The following SPACA1 variants were observed in gnomAD, a reference collection of about 807,000 sequenced individuals.
SPACA1 encodes the protein sperm acrosome associated 1, also known as sperm acrosome membrane-associated protein 1.
A neutral mutation model predicts 32.6 loss-of-function variants in SPACA1; 17 were observed. The observed-to-expected ratio is 0.52, with a 90% CI of 0.36 to 0.78. The LOEUF is 0.78. Ranked by LOEUF, SPACA1 falls within the 30% of genes least tolerant of loss-of-function variation. SPACA1 has a pLI of 0.01. For missense variants in SPACA1, 363 were observed against 373.4 expected (o/e 0.97, Z 0.23); for synonymous variants, 140 against 138.1 (o/e 1.01, Z -0.10).
At position 88,066,210 on chromosome 6, in the gene SPACA1, A is replaced by G. The variant is rs1163156274; in HGVS notation, c.760A>G (p.Lys254Glu). 2.5e-6 allele frequency: 4 copies of G among 1,600,878 alleles called. No individual in the cohort carries two copies. The highest frequency in any genetic ancestry group is 3.4e-6 in the Non-Finnish European group (4 of 1,172,454). The stretch of plus-strand genomic sequence containing the variant: ...AGCAGTCAAGGCTTTCTGGGGGGCA[A>G]AAGCCTCTACACCTGAGGTACAATC... ...WAAVKAFWGA[K>E]ASTPEVQSEQ... The change falls in exon 7 of 7, where the codon AAA becomes GAA. Residue 254 changes from lysine to glutamate, a missense_variant. Physicochemically the swap from Lys to Glu is moderately conservative, Grantham distance 56 (BLOSUM62 1). Coordinates refer to ENST00000237201, the MANE Select transcript of SPACA1 (RefSeq NM_030960.3).
chr6:88,058,664 A>T lies in SPACA1; in HGVS notation c.368-52A>T. The T allele has an allele frequency of 2.3e-6, 3 of 1,322,696 alleles. No homozygotes were observed. The South Asian group carries it at 3.7e-5, about 17-fold the overall frequency. The allele number at this position is 1,322,696 out of a possible 1,614,324, so 81.9% of individuals were successfully genotyped here. On this transcript the variant is annotated intron_variant, in intron 3 of 6. Transcript: ENST00000237201. ...AGGAAAAAAAAAAGTAATTTCGTGT[A>T]TAAAGCAATTTATAATGCCCAATGG...
At chr6:88,059,199 T>C (rs943198410) in intron 4 of SPACA1, among the ~76,000 whole-genome samples, 4 of 152,164 alleles carry the variant, frequency 2.6e-5, no homozygotes, top group African/African-American at 9.7e-5. Flanking sequence ...ATATAACAAT[T>C]CTCTGAGGTA....
chr6:88,059,687 C>G, intron 5 of SPACA1, 99 bp downstream of exon 5: 1 of 1,200,364 alleles, frequency 8.3e-7, no homozygotes, highest in Non-Finnish European at 1.1e-6. Flanking sequence ...CTAGCCCTCC[C>G]CCCAGAGTTT....
At position 88,048,070 on chromosome 6, in the gene SPACA1, C is replaced by T; in HGVS notation, c.165C>T (p.Asp55=). ...GEGEEETENN[D]SETAENYAPP... Reference sequence around the variant, plus strand: ...GCGAGGAGGAGACCGAAAACAACGACAGCGAGACCGCGGAGAACTACGCTC... The same window carrying T: ...GCGAGGAGGAGACCGAAAACAACGATAGCGAGACCGCGGAGAACTACGCTC... Residue 55 remains aspartate, a synonymous_variant, in exon 1 of 7, where the codon GAC becomes GAT. Coordinates refer to ENST00000237201, the MANE Select transcript of SPACA1 (RefSeq NM_030960.3). 1.2e-6 allele frequency: 2 copies of T among 1,603,272 alleles called. No individual in the cohort carries two copies. The highest frequency in any genetic ancestry group is 1.1e-5 in the South Asian group (1 of 88,294).
chr6:88,066,432 C>G lies in SPACA1; in HGVS notation c.*97C>G. The G allele has an allele frequency of 1.7e-6, 2 of 1,175,172 alleles. No individual in the cohort carries two copies. The highest frequency in any genetic ancestry group is 2.3e-6 in the Non-Finnish European group (2 of 871,852). The allele number at this position is 1,175,172 out of a possible 1,614,324, so 72.8% of individuals were successfully genotyped here. A position where few individuals can be genotyped will look rare whatever the true frequency, so the allele number is the denominator to read the frequency against. On this transcript the variant is annotated 3_prime_UTR_variant, in exon 7 of 7. Coordinates refer to ENST00000237201, the MANE Select transcript of SPACA1 (RefSeq NM_030960.3). ...ACATTGAAATACTTTAATAATGTTG[C>G]GATGGATTGCCACAGTGTGAAGGAA...
rs1381927836 is a variant in SPACA1, at chr6:88,047,955, G to C, written c.50G>C (p.Gly17Ala). ...TCCGCCGGGCTGCTGATGACTGTCG[G>C]CTGGCTGCTTCTGGCGGGCCTCCAG... ...GCSAGLLMTV[G>A]WLLLAGLQSA... The change falls in exon 1 of 7, where the codon GGC becomes GCC. Residue 17 changes from glycine (G) to alanine (A), a missense_variant. Coordinates refer to ENST00000237201, the MANE Select transcript of SPACA1 (RefSeq NM_030960.3). 7 of 1,571,534 alleles carry C rather than the reference G, an allele frequency of 4.5e-6. No homozygotes were observed. The highest frequency in any genetic ancestry group is 6.0e-6 in the Non-Finnish European group (7 of 1,159,376).
intron 1 of SPACA1, among the ~76,000 whole-genome samples, chr6:88,053,316 A>G (rs1775758982): frequency 6.6e-6 from 1 of 152,206 alleles, no homozygotes; most frequent in Admixed American, 6.5e-5. Context: ...CTTATATACT[A>G]TAGCTAGTGG....
chr6:88,052,780 T>G (rs1024375406), intron 1 of SPACA1, among the ~76,000 whole-genome samples: 1 of 152,092 alleles, frequency 6.6e-6, no homozygotes, highest in Admixed American at 6.5e-5. Flanking sequence ...GAGGTTGCAG[T>G]GAGCCGGGAT....
chr6:88,066,503 A>G lies in SPACA1; in HGVS notation c.*168A>G. 2.1e-6 allele frequency: 1 copy of G among 472,068 alleles called. No homozygotes were observed. Among genetic ancestry groups the G allele is most frequent in the Non-Finnish European group, 3.4e-6 (1 of 292,150 alleles). 29.2% of individuals were successfully genotyped at this position (472,068 alleles called of 1,614,324 possible). A position where few individuals can be genotyped will look rare whatever the true frequency, so the allele number is the denominator to read the frequency against. ...TATTTTATCAGTGCATTTTTCCAGT[A>G]CAGTTATCAAATATTACTTTTAATT... On this transcript the variant is annotated 3_prime_UTR_variant, in exon 7 of 7. Transcript: ENST00000237201.
At chr6:88,054,100 A>G in intron 2 of SPACA1, 98 bp downstream of exon 2, 1 of 964,962 alleles carries the variant, frequency 1.0e-6, no homozygotes, top group Non-Finnish European at 1.6e-6. Context: ...GTGTACTTTC[A>G]TGCATCTCTC....
intron 1 of SPACA1, 79 bp downstream of exon 1, chr6:88,048,192 A>G: frequency 1.4e-6 from 2 of 1,392,298 alleles, no homozygotes; most frequent in Non-Finnish European, 2.0e-6. Context: ...CCTGAGAACC[A>G]TAATTATGTG....
intron 5 of SPACA1, 91 bp downstream of exon 5, chr6:88,059,679 A>G (rs2127800841): frequency 7.8e-7 from 1 of 1,275,856 alleles, no homozygotes; most frequent in South Asian, 1.7e-5. Flanking sequence ...ACCAGTCTCT[A>G]GCCCTCCCCC....
At chr6:88,058,173 A>C (rs1245980077) in intron 3 of SPACA1, among the ~76,000 whole-genome samples, 1 of 152,224 alleles carries the variant, frequency 6.6e-6, no homozygotes. Flanking sequence ...TTAGTCTAAC[A>C]GATCAGTAGG....
intron 3 of SPACA1, 56 bp downstream of exon 3, chr6:88,057,769 A>G (rs987054701): frequency 4.0e-6 from 6 of 1,488,882 alleles, no homozygotes; most frequent in Non-Finnish European, 5.6e-6. Context: ...CTCTGGGGAA[A>G]TATTTTTCAC....
At chr6:88,065,180 G>A (rs1008957967) in intron 6 of SPACA1, among the ~76,000 whole-genome samples, 31 of 148,156 alleles carry the variant, frequency 2.1e-4, no homozygotes, top group African/African-American at 7.1e-4. Context: ...GTATACAAAC[G>A]TGTATTATGT....
rs763429718 is a variant in SPACA1, at chr6:88,047,898, C to G, written c.-8C>G. 9.1e-6 allele frequency: 14 copies of G among 1,539,800 alleles called. 1 individual carries two copies. The South Asian group carries it at 1.3e-4, about 14-fold the overall frequency. ...CTGCGCCTCGGACGGCCGTCGGGGC[C>G]GAGAACCATGAGCCCCAGGGGCACG... On this transcript the variant is annotated 5_prime_UTR_variant, in exon 1 of 7. Transcript: ENST00000237201.
chr6:88,064,133 T>A lies in SPACA1; in HGVS notation c.645T>A (p.Thr215=). The change falls in exon 6 of 7, where the codon ACT becomes ACA. Residue 215 remains threonine (T), a synonymous_variant. Coordinates refer to ENST00000237201, the MANE Select transcript of SPACA1 (RefSeq NM_030960.3). ...TGAGAAGATCAAGCCTACCAGCCAC[T>A]GATGCAGCCCTAATTTTTGTGCTGA... ...LQMRRSSLPA[T]DAALIFVLTI... 1 of 1,613,372 alleles carries A rather than the reference T, an allele frequency of 6.2e-7. No individual in the cohort carries two copies. The highest frequency in any genetic ancestry group is 8.5e-7 in the Non-Finnish European group (1 of 1,179,566).
rs1324342615 is a variant in SPACA1 at position 88,066,221 on chromosome 6, A to G, written c.771A>G (p.Thr257=). Residue 257 remains threonine, a synonymous_variant, in exon 7 of 7, where the codon ACA becomes ACG. Coordinates refer to ENST00000237201, the MANE Select transcript of SPACA1 (RefSeq NM_030960.3). Reference sequence around the variant, plus strand: ...CTTTCTGGGGGGCAAAAGCCTCTACACCTGAGGTACAATCCGAGCAGAGTT... The same window carrying G: ...CTTTCTGGGGGGCAAAAGCCTCTACGCCTGAGGTACAATCCGAGCAGAGTT... ...VKAFWGAKAS[T]PEVQSEQSSV... 1.2e-6 allele frequency: 2 copies of G among 1,609,474 alleles called. No individual in the cohort carries two copies. Among genetic ancestry groups the G allele is most frequent in the Non-Finnish European group, 8.5e-7 (1 of 1,177,334 alleles).
chr6:88,064,014 G>T (rs1775936837), intron 5 of SPACA1, 85 bp from the exon 6 acceptor site: 3 of 1,453,096 alleles, frequency 2.1e-6, no homozygotes, highest in African/African-American at 1.5e-5. Flanking sequence ...TTCTAGAGTT[G>T]TTTTTCAAAT....
Sources: allele counts gnomAD v4.1 joint callset (sites outside exome capture counted in the v4.1 genomes callset), GRCh38; gene constraint gnomAD v4.1.1; transcripts MANE v1.5; gene names NCBI Gene and HGNC (gene_info 2026-07-23, HGNC 2026-07-21).